Variants in DNAJC5 observed in about 807,000 individuals in gnomAD.
The protein encoded by DNAJC5 is dnaJ homolog subfamily C member 5.
A neutral mutation model predicts 23.2 loss-of-function variants in DNAJC5; 1 was observed. That is an observed-to-expected ratio of 0.04 (90% CI 0.02 to 0.20). DNAJC5 has a LOEUF of 0.20. Among genes scored for constraint, DNAJC5 ranks in the 10% least tolerant of loss-of-function variants. The probability of loss-of-function intolerance (pLI) is 1.00; values close to 1 mark genes in which losing one functional copy is unlikely to be tolerated. For synonymous variants in DNAJC5, 136 were observed against 120.0 expected, an observed-to-expected ratio of 1.13 and a Z score of -0.87; for missense variants, 180 against 267.0, an observed-to-expected ratio of 0.67 and a Z score of 2.27.
chr20:63,899,602 G>A (rs6062573), intron 1 of DNAJC5, among the ~76,000 whole-genome samples: 8,009 of 152,244 alleles, frequency 0.053, 405 homozygotes, highest in East Asian at 0.2. Context: ...GTTTTTTTGA[G>A]ACGGAGTCTC....
rs2053631973 is a variant in DNAJC5, at chr20:63,928,289, C to CT, written c.-11-43dup. 8 of 1,506,828 alleles carry CT rather than the reference C, an allele frequency of 5.3e-6. No homozygotes were observed. Among genetic ancestry groups the CT allele is most frequent in the Non-Finnish European group, 7.4e-6 (8 of 1,088,404 alleles). 93.3% of individuals were successfully genotyped at this position (1,506,828 alleles called of 1,614,324 possible). A position where few individuals can be genotyped will look rare whatever the true frequency, so the allele number is the denominator to read the frequency against. ...AAGTCCATCAGCTCTGCCCTTGGTA[C>CT]TTTCATCTATACTTTGTGATACTTT... On this transcript the variant is annotated intron_variant, in intron 1 of 4. Coordinates refer to ENST00000360864, the MANE Select transcript of DNAJC5 (RefSeq NM_025219.3). The surrounding 1 kb of genome is among the most constrained non-coding windows in gnomAD (Gnocchi z 4.6).
At chr20:63,902,034 G>A (rs550242623) in intron 1 of DNAJC5, among the ~76,000 whole-genome samples, 1 of 152,122 alleles carries the variant, frequency 6.6e-6, no homozygotes, top group Admixed American at 6.5e-5. Context: ...CTTTCTTGAT[G>A]TGTTCTTTAA....
rs552058926 is a variant in DNAJC5, at chr20:63,930,481, GGGACTACA to G, written c.322-367_322-360del. 4.6e-5 allele frequency among the ~76,000 whole-genome samples: 7 copies of G among 152,312 alleles called. No homozygotes were observed. In the South Asian group the frequency reaches 1.5e-3, roughly 32 times the overall value. ...TCCTGCCTCTGCCTCCCGAGTGGCT[GGGACTACA>G]GGTGCCCGCCACCACGTCCAGCTAA... On this transcript the variant is annotated intron_variant, in intron 3 of 4. Transcript: ENST00000360864.
At chr20:63,916,306 C>T (rs550396836) in intron 1 of DNAJC5, among the ~76,000 whole-genome samples, 7 of 152,302 alleles carry the variant, frequency 4.6e-5, no homozygotes, top group South Asian at 2.1e-4. Flanking sequence ...CCATAAGTGT[C>T]GGCCAGCTGA....
chr20:63,925,281 C>T lies in DNAJC5; in HGVS notation c.-11-3054C>T, dbSNP rs551764676. ...CAGACGGATCACAAGGTCAGGAGTT[C>T]AAGACCATCCTGGTCAATGTGGTGA... On this transcript the variant is annotated intron_variant, in intron 1 of 4. Transcript: ENST00000360864. 2.6e-5 allele frequency among the ~76,000 whole-genome samples: 4 copies of T among 152,276 alleles called. No individual in the cohort carries two copies. In the South Asian group the frequency reaches 8.3e-4, roughly 32 times the overall value.
chr20:63,927,974 A>G (rs2146303309), intron 1 of DNAJC5, among the ~76,000 whole-genome samples: 2 of 152,222 alleles, frequency 1.3e-5, no homozygotes, highest in East Asian at 3.9e-4. Context: ...GTTTTTAAGG[A>G]ACAGGGTCCC....
At position 63,929,354 on chromosome 20, in the gene DNAJC5, C is replaced by T. The variant is rs963094374; in HGVS notation, c.150C>T (p.Asn50=). The T allele has an allele frequency of 6.2e-6, 10 of 1,614,140 alleles. No individual in the cohort carries two copies. Among genetic ancestry groups the T allele is most frequent in the East Asian group, 2.2e-5 (1 of 44,878 alleles). Residue 50 remains asparagine (N), a synonymous_variant, in exon 3 of 5, where the codon AAC becomes AAT. Transcript: ENST00000360864. This position sits in a 1 kb window ranked among gnomAD's most constrained non-coding sequence, Gnocchi z 8.6. The stretch of plus-strand genomic sequence containing the variant: ...ATCACCCCGACAAGAACCCCGACAA[C>T]CCGGAGGCCGCGGACAAGTTTAAGG... The part of the protein sequence containing the change: ...LKYHPDKNPD[N]PEAADKFKEI...
At chr20:63,917,020 C>G (rs1362115343) in intron 1 of DNAJC5, among the ~76,000 whole-genome samples, 1 of 152,158 alleles carries the variant, frequency 6.6e-6, no homozygotes, top group East Asian at 1.9e-4. Flanking sequence ...ACAGTTTGTA[C>G]AGTTAACACA....
At chr20:63,908,055 T>C (rs2053458717) in intron 1 of DNAJC5, among the ~76,000 whole-genome samples, 1 of 152,216 alleles carries the variant, frequency 6.6e-6, no homozygotes, top group Non-Finnish European at 1.5e-5. Flanking sequence ...CGTGAGCCAC[T>C]GCGCCTGGCC....
intron 1 of DNAJC5, among the ~76,000 whole-genome samples, chr20:63,925,289 T>G (rs2053603181): frequency 6.6e-6 from 1 of 152,050 alleles, no homozygotes; most frequent in African/African-American, 2.4e-5. Flanking sequence ...TTCAAGACCA[T>G]CCTGGTCAAT....
chr20:63,909,987 T>A (rs6090018), intron 1 of DNAJC5, among the ~76,000 whole-genome samples: 10,323 of 152,272 alleles, frequency 0.068, 493 homozygotes, highest in Non-Finnish European at 0.08. Flanking sequence ...TTCTGGAATA[T>A]TTTTGGTTGT....
At chr20:63,919,002 A>T (rs1002134666) in intron 1 of DNAJC5, among the ~76,000 whole-genome samples, 7 of 152,234 alleles carry the variant, frequency 4.6e-5, no homozygotes, top group Admixed American at 4.6e-4. Context: ...TGTTCTTACA[A>T]AGTTGGCCAC....
chr20:63,910,704 ACT>A (rs1458941320), intron 1 of DNAJC5, among the ~76,000 whole-genome samples: 4 of 149,442 alleles, frequency 2.7e-5, no homozygotes, highest in South Asian at 4.2e-4. Context: ...ACAGAGTCTG[ACT>A]CTGTCGCCCA....
At chr20:63,915,269 A>G (rs1237869393) in intron 1 of DNAJC5, among the ~76,000 whole-genome samples, 2 of 152,164 alleles carry the variant, frequency 1.3e-5, no homozygotes, top group Non-Finnish European at 1.5e-5. Flanking sequence ...GGGGAAAAAC[A>G]GATTGAGAGA....
intron 1 of DNAJC5, among the ~76,000 whole-genome samples, chr20:63,913,277 C>T (rs2053494980): frequency 6.6e-6 from 1 of 152,196 alleles, no homozygotes; most frequent in African/African-American, 2.4e-5. Flanking sequence ...TCCCTGCAGT[C>T]CGCAGCACCT....
rs369508682 is a variant in DNAJC5, at chr20:63,931,481, G to T, written c.510G>T (p.Pro170=). Residue 170 remains proline, a synonymous_variant, in exon 5 of 5, where the codon CCG becomes CCT. Transcript: ENST00000360864. The surrounding 1 kb of genome is among the most constrained non-coding windows in gnomAD (Gnocchi z 9.6). ...GCTTTTCAGAGGCCACAGACACGCCGATCGTCATACAGCCGGCATCCGCCA... is the reference window on the plus strand; with the variant it reads ...GCTTTTCAGAGGCCACAGACACGCCTATCGTCATACAGCCGGCATCCGCCA... The part of the protein sequence containing the change: ...QSDEREATDT[P]IVIQPASATE... The T allele has an allele frequency of 3.8e-6, 6 of 1,568,992 alleles. No homozygotes were observed. Among genetic ancestry groups the T allele is most frequent in the Non-Finnish European group, 5.2e-6 (6 of 1,163,086 alleles).
At chr20:63,902,148 G>A (rs1379767093) in intron 1 of DNAJC5, among the ~76,000 whole-genome samples, 4 of 151,564 alleles carry the variant, frequency 2.6e-5, no homozygotes, top group East Asian at 1.9e-4. Context: ...TCCGCCTCCC[G>A]GGTTCACGCC....
intron 1 of DNAJC5, among the ~76,000 whole-genome samples, chr20:63,900,778 TTTGTG>T (rs547099655): frequency 1.2e-4 from 19 of 152,286 alleles, no homozygotes; most frequent in South Asian, 6.2e-4. Flanking sequence ...TTTTTAAATT[TTTGTG>T]TTGTGTTGTG....
rs756889581 is a variant in DNAJC5 at position 63,931,043 on chromosome 20, C to CTGTG, written c.493+21_493+22insTGTG. The stretch of plus-strand genomic sequence containing the variant: ...GAGGGGTGAGTGCCCGCCCCAGGGC[C>CTGTG]CGTGTGTGTGTGTGGGGCAGAGCCA... On this transcript the variant is annotated intron_variant, in intron 4 of 4. Transcript: ENST00000360864. The surrounding 1 kb of genome is among the most constrained non-coding windows in gnomAD (Gnocchi z 9.6). 1.2e-6 allele frequency: 2 copies of CTGTG among 1,608,056 alleles called. No homozygotes were observed. The highest frequency in any genetic ancestry group is 1.7e-6 in the Non-Finnish European group (2 of 1,175,664).
Sources: allele counts gnomAD v4.1 joint callset (sites outside exome capture counted in the v4.1 genomes callset), GRCh38; gene constraint gnomAD v4.1.1; non-coding constraint Gnocchi (gnomAD v3.1); transcripts MANE v1.5; gene names NCBI Gene and HGNC (gene_info 2026-07-23, HGNC 2026-07-21).